LYPD6: variants seen among roughly 807,000 people sequenced by gnomAD.
LYPD6 encodes the protein ly6/PLAUR domain-containing protein 6.
A neutral mutation model predicts 22.7 loss-of-function variants in LYPD6; 15 were observed. The ratio of observed to expected loss-of-function variants is 0.66; its 90% CI spans 0.44 to 1.02. The LOEUF is 1.02. Among genes scored for constraint, LYPD6 ranks in the 50% least tolerant of loss-of-function variants. The pLI is 0.00. For missense variants in LYPD6, 189 were observed against 208.4 expected (o/e 0.91, Z 0.57); for synonymous variants, 72 against 77.5 (o/e 0.93, Z 0.37).
intron 3 of LYPD6, among the ~76,000 whole-genome samples, chr2:149,461,741 G>C (rs1328156361): frequency 6.6e-6 from 1 of 151,854 alleles, no homozygotes; most frequent in Non-Finnish European, 1.5e-5. Flanking sequence ...ATACAAGGCT[G>C]GTTTAATCTC....
intron 1 of LYPD6, among the ~76,000 whole-genome samples, chr2:149,386,431 C>T (rs887960581): frequency 7.9e-5 from 12 of 152,178 alleles, no homozygotes; most frequent in Non-Finnish European, 1.2e-4. Flanking sequence ...CTGTTCTCTC[C>T]ACAGTAAGCC....
intron 3 of LYPD6, among the ~76,000 whole-genome samples, chr2:149,467,188 C>T (rs1034921929): frequency 7.9e-5 from 12 of 152,190 alleles, no homozygotes; most frequent in African/African-American, 2.9e-4. Context: ...CCCAGATGAC[C>T]TTACCCTACT....
At chr2:149,422,124 T>C (rs1208863003) in intron 1 of LYPD6, among the ~76,000 whole-genome samples, 1 of 152,184 alleles carries the variant, frequency 6.6e-6, no homozygotes, top group Non-Finnish European at 1.5e-5. Flanking sequence ...AGGTGCCTTC[T>C]TCACCTACTG....
At chr2:149,403,945 A>G (rs1259754917) in intron 1 of LYPD6, among the ~76,000 whole-genome samples, 2 of 152,298 alleles carry the variant, frequency 1.3e-5, no homozygotes, top group Admixed American at 6.5e-5. Flanking sequence ...TCAGCTTTCT[A>G]CACATGGCTA....
intron 1 of LYPD6, among the ~76,000 whole-genome samples, chr2:149,356,278 G>C (rs1356317432): frequency 6.6e-6 from 1 of 152,102 alleles, no homozygotes; most frequent in African/African-American, 2.4e-5. Context: ...AAGCTCATTG[G>C]CCTATCTTGG....
rs1681309623 is a variant in LYPD6, at chr2:149,470,570, AT to A, written c.349-111del. On this transcript the variant is annotated intron_variant, in intron 4 of 4. Coordinates refer to ENST00000334166, the MANE Select transcript of LYPD6 (RefSeq NM_194317.5). Reference sequence around the variant, plus strand: ...CGTAGAGTTGGCATCTCCTTTATAGATTAGGTAATTTTTACTTGCATCTTGC... The same window carrying A: ...CGTAGAGTTGGCATCTCCTTTATAGATAGGTAATTTTTACTTGCATCTTGC... 1.1e-5 allele frequency: 9 copies of A among 839,248 alleles called. No individual in the cohort carries two copies. The South Asian group carries it at 1.5e-4, about 14-fold the overall frequency. 52.0% of individuals were successfully genotyped at this position (839,248 alleles called of 1,614,324 possible). A position where few individuals can be genotyped will look rare whatever the true frequency, so the allele number is the denominator to read the frequency against.
intron 1 of LYPD6, among the ~76,000 whole-genome samples, chr2:149,332,446 C>G (rs2105040512): frequency 6.6e-6 from 1 of 152,056 alleles, no homozygotes; most frequent in South Asian, 2.1e-4. Context: ...CAAATAATAT[C>G]AAGTAAAAAA....
chr2:149,461,319 T>C (rs1312145359), intron 3 of LYPD6, among the ~76,000 whole-genome samples: 1 of 151,658 alleles, frequency 6.6e-6, no homozygotes, highest in Non-Finnish European at 1.5e-5. Context: ...GGACCATAAC[T>C]CAAAAAACAA....
intron 3 of LYPD6, among the ~76,000 whole-genome samples, chr2:149,458,082 T>A (rs1044575806): frequency 6.6e-6 from 1 of 152,132 alleles, no homozygotes; most frequent in East Asian, 1.9e-4. Flanking sequence ...ATGGAAAAAA[T>A]TGTAGCCCCA....
At chr2:149,404,142 A>G (rs1403478046) in intron 1 of LYPD6, among the ~76,000 whole-genome samples, 1 of 152,094 alleles carries the variant, frequency 6.6e-6, no homozygotes, top group East Asian at 1.9e-4. Context: ...GTAGGCTTGT[A>G]GTATGGTTTG....
intron 1 of LYPD6, among the ~76,000 whole-genome samples, chr2:149,335,137 T>TC (rs1681011735): frequency 7.3e-6 from 1 of 136,422 alleles, no homozygotes; most frequent in Admixed American, 7.0e-5. Flanking sequence ...CTCCTACTTA[T>TC]TTTTTTTTTT....
At position 149,408,333 on chromosome 2, in the gene LYPD6, C is replaced by A. The variant is rs1196640; in HGVS notation, c.-71-29305C>A. On this transcript the variant is annotated intron_variant, in intron 1 of 4. Coordinates refer to ENST00000334166, the MANE Select transcript of LYPD6 (RefSeq NM_194317.5). Reference sequence around the variant, plus strand: ...TACCTGATACTTTTGCCTCACAGCTCTTAAGATTCGTTCCTTCGTCTTGAC... The same window carrying A: ...TACCTGATACTTTTGCCTCACAGCTATTAAGATTCGTTCCTTCGTCTTGAC... Among the ~76,000 whole-genome samples the A allele has an allele frequency of 5.7e-3, 868 of 152,294 alleles. 14 individuals are homozygous for A. The highest frequency in any genetic ancestry group is 0.019 in the African/African-American group (789 of 41,576).
intron 2 of LYPD6, among the ~76,000 whole-genome samples, chr2:149,439,218 A>G (rs1683501301): frequency 6.6e-6 from 1 of 152,104 alleles, no homozygotes; most frequent in Non-Finnish European, 1.5e-5. Flanking sequence ...GGCAGCAAAT[A>G]ATTTCTTTAG....
Position 149,345,815 on chromosome 2 carries a change from T to TC in LYPD6, c.-72+15094dup, listed in dbSNP as rs1681244206. Among the ~76,000 whole-genome samples, 3 of 152,284 alleles carry TC rather than the reference T, an allele frequency of 2.0e-5. No homozygotes were observed. In the South Asian group the frequency reaches 6.2e-4, roughly 32 times the overall value. Reference sequence around the variant, plus strand: ...GGCAGACAACTGATAACTGTATTTTTCTCAAATATATAAAAGATATATTAA... The same window carrying TC: ...GGCAGACAACTGATAACTGTATTTTTCCTCAAATATATAAAAGATATATTAA... On this transcript the variant is annotated intron_variant, in intron 1 of 4. Coordinates refer to ENST00000334166, the MANE Select transcript of LYPD6 (RefSeq NM_194317.5).
chr2:149,377,202 C>CA (rs1681941080), intron 1 of LYPD6, among the ~76,000 whole-genome samples: 1 of 145,174 alleles, frequency 6.9e-6, no homozygotes. Context: ...TTCTTTTTTC[C>CA]TTTTTTTTTT....
the LYPD6 span, among the ~76,000 whole-genome samples, chr2:149,485,392 G>A: frequency 6.6e-6 from 1 of 152,316 alleles, no homozygotes; most frequent in Non-Finnish European, 1.5e-5. Context: ...GTTGCAGATA[G>A]AGCAAGGATT....
At chr2:149,450,883 C>T (rs773402942) in intron 3 of LYPD6, among the ~76,000 whole-genome samples, 1 of 152,158 alleles carries the variant, frequency 6.6e-6, no homozygotes, top group Non-Finnish European at 1.5e-5. Context: ...ATTTAAGAAC[C>T]ATCATGAACA....
At chr2:149,393,999 C>A (rs1682372156) in intron 1 of LYPD6, among the ~76,000 whole-genome samples, 1 of 152,206 alleles carries the variant, frequency 6.6e-6, no homozygotes, top group Non-Finnish European at 1.5e-5. Flanking sequence ...AGATATTACA[C>A]AAAGCCTGCT....
At chr2:149,344,714 G>T (rs1016624650) in intron 1 of LYPD6, among the ~76,000 whole-genome samples, 4 of 152,186 alleles carry the variant, frequency 2.6e-5, no homozygotes, top group African/African-American at 9.7e-5. Flanking sequence ...TTGATGAGGA[G>T]CAGGTAAAAG....
Sources: allele counts gnomAD v4.1 joint callset (sites outside exome capture counted in the v4.1 genomes callset), GRCh38; gene constraint gnomAD v4.1.1; transcripts MANE v1.5; gene names NCBI Gene and HGNC (gene_info 2026-07-23, HGNC 2026-07-21).